Variants in REPS1 observed in about 807,000 individuals in gnomAD.
The protein encoded by REPS1 is ralBP1-associated Eps domain-containing protein 1.
REPS1 carries 39 observed loss-of-function variants against 100.9 expected under a neutral mutation model. The ratio of observed to expected loss-of-function variants is 0.39; its 90% confidence interval spans 0.30 to 0.50. REPS1 has a LOEUF of 0.50. Among genes scored for constraint, REPS1 ranks in the 20% least tolerant of loss-of-function variants. The probability of loss-of-function intolerance (pLI) is 0.86; values close to 1 mark genes in which losing one functional copy is unlikely to be tolerated. For missense variants in REPS1, 821 were observed against 968.5 expected, an observed-to-expected ratio of 0.85 and a Z score of 2.02; for synonymous variants, 324 against 340.3, an observed-to-expected ratio of 0.95 and a Z score of 0.53.
chr6:138,984,088 T>C (rs1316729648), intron 1 of REPS1, among the ~76,000 whole-genome samples: 1 of 150,744 alleles, frequency 6.6e-6, no homozygotes, highest in East Asian at 1.9e-4. Flanking sequence ...CTTTTTTTTT[T>C]TTTTTTTTTG....
chr6:138,948,815 T>A (rs1202080378), intron 1 of REPS1, among the ~76,000 whole-genome samples: 4 of 152,212 alleles, frequency 2.6e-5, no homozygotes, highest in African/African-American at 9.6e-5. Context: ...GTATTAAGTC[T>A]GAATAAAACT....
chr6:138,978,095 G>T (rs967433799), intron 1 of REPS1, among the ~76,000 whole-genome samples: 7 of 144,320 alleles, frequency 4.9e-5, no homozygotes, highest in South Asian at 2.1e-4. Context: ...CTTTCGCCCA[G>T]TTTTTTTTTT....
Position 138,943,856 on chromosome 6 carries a change from G to T in REPS1, c.913C>A (p.Pro305Thr). The T allele has an allele frequency of 6.2e-7, 1 of 1,611,814 alleles. No homozygotes were observed. The highest frequency in any genetic ancestry group is 1.1e-5 in the South Asian group (1 of 90,766). Residue 305 changes from proline to threonine, a missense_variant, in exon 6 of 20, where the codon CCA (proline) becomes ACA (threonine). Physicochemically the swap from Pro to Thr is conservative, Grantham distance 38. This residue lies in a region of REPS1 where 757 missense variants were observed against 866.4 expected (regional missense o/e 0.87). Transcript: ENST00000450536. Reference protein sequence around the residue: ...TIQPDLNGFIPGSAAKEFFTK... With the variant: ...TIQPDLNGFITGSAAKEFFTK... ...ACTTCTGTTTTCAACAACTCACCTG[G>T]AATAAATCCGTTTAGATCAGGCTGA...
At position 138,916,456 on chromosome 6, in the gene REPS1, G is replaced by A. The variant is rs562427929; in HGVS notation, c.1602-480C>T. On this transcript the variant is annotated intron_variant, in intron 13 of 19. Transcript: ENST00000450536. ...GGCTGGTCTCGAACTCCTGACTTCAGGTGATCCGCCCACCTTAGCCTCCCA... is the reference window on the plus strand; with the variant it reads ...GGCTGGTCTCGAACTCCTGACTTCAAGTGATCCGCCCACCTTAGCCTCCCA... Among the ~76,000 whole-genome samples the A allele has an allele frequency of 4.6e-4, 70 of 151,932 alleles. No homozygotes were observed. In the South Asian group the frequency reaches 0.014, roughly 31 times the overall value.
rs973268783 is a variant in REPS1, at chr6:138,946,500, TG to T, written c.278-804del. ...TTCGTCTCTGTTTAGAACCTCCACA[TG>T]AAGGAAGGAAACTATTAAGCTTATT... On this transcript the variant is annotated intron_variant, in intron 2 of 19. Coordinates refer to ENST00000450536, the MANE Select transcript of REPS1 (RefSeq NM_001286611.2). Among the ~76,000 whole-genome samples the T allele has an allele frequency of 2.7e-4, 41 of 152,074 alleles. 1 individual carries two copies. Among genetic ancestry groups the T allele is most frequent in the African/African-American group, 8.0e-4 (33 of 41,412 alleles).
chr6:138,953,755 T>C (rs543480224), intron 1 of REPS1, among the ~76,000 whole-genome samples: 62 of 150,612 alleles, frequency 4.1e-4, no homozygotes, highest in Non-Finnish European at 7.7e-4. Flanking sequence ...GAATGCAAAC[T>C]AGTTATAACC....
intron 1 of REPS1, among the ~76,000 whole-genome samples, chr6:138,967,744 C>T (rs1251653582): frequency 3.9e-5 from 6 of 152,110 alleles, no homozygotes. Flanking sequence ...AAAAGAGCCT[C>T]AGGATCTCCA....
Position 138,918,880 on chromosome 6 carries a change from G to C in REPS1, c.1529-1253C>G, listed in dbSNP as rs565937000. ...AAGAAATTTTAAGATAGAAACTCTA[G>C]AGACAATCTGAAGGAATATTACTAC... is the stretch of plus-strand genomic sequence containing the variant. On this transcript the variant is annotated intron_variant, in intron 12 of 19. Coordinates refer to ENST00000450536, the MANE Select transcript of REPS1 (RefSeq NM_001286611.2). Among the ~76,000 whole-genome samples, 9 of 152,262 alleles carry C rather than the reference G, an allele frequency of 5.9e-5. 1 individual carries two copies. In the South Asian group the frequency reaches 1.9e-3, roughly 32 times the overall value.
Position 138,944,005 on chromosome 6 carries a change from G to A in REPS1, c.764C>T (p.Thr255Ile). 1.2e-6 allele frequency: 2 copies of A among 1,613,756 alleles called. No homozygotes were observed. Among genetic ancestry groups the A allele is most frequent in the African/African-American group, 1.3e-5 (1 of 75,018 alleles). Residue 255 changes from threonine (T) to isoleucine (I), a missense_variant, in exon 6 of 20, where the codon ACA becomes ATA. This residue lies in a region of REPS1 where 757 missense variants were observed against 866.4 expected (regional missense o/e 0.87). Coordinates refer to ENST00000450536, the MANE Select transcript of REPS1 (RefSeq NM_001286611.2). Reference protein sequence around the residue: ...MHPASVQDQTTVRTVASATTA... With the variant: ...MHPASVQDQTIVRTVASATTA... ...TGTAGCTGATGCTACAGTTCGTACT[G>A]TTGTCTGGTCCTGTAATGAAACATT...
At chr6:138,934,005 C>A (rs1382800969) in intron 8 of REPS1, among the ~76,000 whole-genome samples, 2 of 152,104 alleles carry the variant, frequency 1.3e-5, no homozygotes, top group Non-Finnish European at 2.9e-5. Flanking sequence ...CTAGAAAATC[C>A]AAAAATTGTT....
chr6:138,914,928 C>A, intron 14 of REPS1, 167 bp from the exon 15 acceptor site: 1 of 599,844 alleles, frequency 1.7e-6, no homozygotes, highest in South Asian at 2.1e-5. Flanking sequence ...AACCTAAAGA[C>A]CAAATCTCAC....
intron 7 of REPS1, among the ~76,000 whole-genome samples, chr6:138,942,388 T>C (rs1324128493): frequency 4.6e-5 from 7 of 152,198 alleles, no homozygotes; most frequent in Admixed American, 2.6e-4. Flanking sequence ...ATTTAGAATA[T>C]AGAGAAATAA....
At chr6:138,931,768 GA>G (rs56990654) in intron 8 of REPS1, among the ~76,000 whole-genome samples, 6 of 150,842 alleles carry the variant, frequency 4.0e-5, no homozygotes, top group Non-Finnish European at 7.4e-5. Flanking sequence ...TTTTCATTGG[GA>G]AAAAAAAATT....
intron 1 of REPS1, among the ~76,000 whole-genome samples, chr6:138,981,585 T>G (rs1249392583): frequency 2.6e-5 from 4 of 152,232 alleles, no homozygotes; most frequent in Admixed American, 2.6e-4. Context: ...TGTCAAATAA[T>G]CCTGTTCCAG....
At chr6:138,964,301 A>T (rs1783897259) in intron 1 of REPS1, among the ~76,000 whole-genome samples, 1 of 152,096 alleles carries the variant, frequency 6.6e-6, no homozygotes, top group Admixed American at 6.6e-5. Context: ...AGTGAGGGAA[A>T]ATTCTCCAGG....
At position 138,904,326 on chromosome 6, in the gene REPS1, C is replaced by T. The variant is rs1313297626; in HGVS notation, c.*738G>A. 6.6e-6 allele frequency: 1 copy of T among 152,126 alleles called. No homozygotes were observed. Among genetic ancestry groups the T allele is most frequent in the African/African-American group, 2.4e-5 (1 of 41,422 alleles). 9.4% of individuals were successfully genotyped at this position (152,126 alleles called of 1,614,324 possible). Reference sequence around the variant, plus strand: ...GAATTTCCCTTTATTCTGGGAATAACTGATATCCTCAGAAGTTTTAAAACA... The same window carrying T: ...GAATTTCCCTTTATTCTGGGAATAATTGATATCCTCAGAAGTTTTAAAACA... On this transcript the variant is annotated 3_prime_UTR_variant, in exon 20 of 20. Transcript: ENST00000450536.
At chr6:138,984,186 T>G (rs1785122865) in intron 1 of REPS1, among the ~76,000 whole-genome samples, 2 of 151,632 alleles carry the variant, frequency 1.3e-5, no homozygotes, top group South Asian at 4.2e-4. Context: ...AGGTTCTAAG[T>G]GATTCTCCTG....
chr6:138,920,442 G>A (rs1780682184), intron 11 of REPS1, 126 bp from the exon 12 acceptor site: 2 of 459,882 alleles, frequency 4.3e-6, no homozygotes, highest in South Asian at 5.2e-5. Context: ...TAAAATGTAA[G>A]ACAAAATAAT....
chr6:138,909,817 T>A (rs560048126), intron 17 of REPS1, among the ~76,000 whole-genome samples: 18 of 152,198 alleles, frequency 1.2e-4, no homozygotes, highest in African/African-American at 4.3e-4. Flanking sequence ...GTTTATAAAT[T>A]ACCGTCTCAG....
Sources: gnomAD v4.1 joint callset for allele counts (sites outside exome capture counted in the v4.1 genomes callset) on GRCh38, gnomAD v4.1.1 for gene constraint, gnomAD v4.1.1 regional missense constraint, MANE v1.5 for transcripts, NCBI Gene and HGNC (gene_info 2026-07-23, HGNC 2026-07-21) for gene names.